Variants in ENTPD1 observed in about 807,000 individuals in gnomAD.
ENTPD1 encodes the protein ATP diphosphohydrolase.
A neutral mutation model predicts 57.0 loss-of-function variants in ENTPD1; 33 were observed. The observed-to-expected ratio is 0.58, with a 90% confidence interval of 0.44 to 0.77. The LOEUF is 0.77. Among genes scored for constraint, ENTPD1 ranks in the 30% least tolerant of loss-of-function variants. ENTPD1 has a pLI of 0.00. For missense variants in ENTPD1, 501 were observed against 603.4 expected, an observed-to-expected ratio of 0.83 and a Z score of 1.78; for synonymous variants, 202 against 218.8, an observed-to-expected ratio of 0.92 and a Z score of 0.68.
chr10:95,792,031 G>A (rs1159621715), intron 1 of ENTPD1, among the ~76,000 whole-genome samples: 3 of 152,098 alleles, frequency 2.0e-5, no homozygotes, highest in Non-Finnish European at 4.4e-5. Flanking sequence ...GAGTTTACCA[G>A]GAGACAGAGA....
chr10:95,723,070 A>G (rs2097979310), intron 1 of ENTPD1, among the ~76,000 whole-genome samples: 3 of 152,150 alleles, frequency 2.0e-5, no homozygotes. Context: ...AGGATTTTTG[A>G]TAGGAAGGCT....
At chr10:95,733,327 G>T (rs1268562599) in intron 1 of ENTPD1, among the ~76,000 whole-genome samples, 1 of 152,144 alleles carries the variant, frequency 6.6e-6, no homozygotes, top group Non-Finnish European at 1.5e-5. Flanking sequence ...CTGTTATCCT[G>T]TTCTTTTTTC....
chr10:95,742,521 T>C (rs2098001468), intron 1 of ENTPD1, among the ~76,000 whole-genome samples: 1 of 148,664 alleles, frequency 6.7e-6, no homozygotes, highest in South Asian at 2.1e-4. Context: ...TTTTTCTTCT[T>C]CTTCTTCTTT....
chr10:95,866,515 G>T lies in ENTPD1; in HGVS notation c.*132G>T. On this transcript the variant is annotated 3_prime_UTR_variant, in exon 10 of 10. Coordinates refer to ENST00000371205, the MANE Select transcript of ENTPD1 (RefSeq NM_001776.6). Reference sequence around the variant, plus strand: ...GTCTTGACGAGTGTGAAGCTTCCTTGGCTTTTACTGAAGCCTTTCTTTTGG... The same window carrying T: ...GTCTTGACGAGTGTGAAGCTTCCTTTGCTTTTACTGAAGCCTTTCTTTTGG... The T allele has an allele frequency of 6.5e-7, 1 of 1,530,746 alleles. No individual in the cohort carries two copies. 94.8% of individuals were successfully genotyped at this position (1,530,746 alleles called of 1,614,324 possible). A position where few individuals can be genotyped will look rare whatever the true frequency, so the allele number is the denominator to read the frequency against.
chr10:95,737,064 C>G (rs1286999940), intron 1 of ENTPD1, among the ~76,000 whole-genome samples: 1 of 152,128 alleles, frequency 6.6e-6, no homozygotes, highest in Non-Finnish European at 1.5e-5. Context: ...AGTAGTGGAG[C>G]TAGAAGTATG....
At chr10:95,738,673 A>G (rs2097997170) in intron 1 of ENTPD1, among the ~76,000 whole-genome samples, 1 of 152,184 alleles carries the variant, frequency 6.6e-6, no homozygotes, top group African/African-American at 2.4e-5. Flanking sequence ...TGATGATCTG[A>G]CTATTTTGAG....
intron 3 of ENTPD1, among the ~76,000 whole-genome samples, chr10:95,841,946 A>C (rs10748649): frequency 0.53 from 81,255 of 151,960 alleles, 22,172 homozygotes; most frequent in Admixed American, 0.63. Flanking sequence ...AATTTGTCTG[A>C]CGCTTAATTT....
intron 1 of ENTPD1, among the ~76,000 whole-genome samples, chr10:95,796,370 T>C (rs917766381): frequency 6.6e-6 from 1 of 152,176 alleles, no homozygotes; most frequent in African/African-American, 2.4e-5. Flanking sequence ...AAAGACTTCC[T>C]GGAAGTGATA....
chr10:95,788,617 AAAAAAAAG>A (rs1373625590), intron 1 of ENTPD1, among the ~76,000 whole-genome samples: 3 of 139,330 alleles, frequency 2.2e-5, no homozygotes, highest in African/African-American at 1.0e-4. Context: ...ACTCTGTCCA[AAAAAAAAG>A]AAAAAAAAGA....
At chr10:95,701,551 G>T in the ENTPD1 span, among the ~76,000 whole-genome samples, 15 of 152,172 alleles carry the variant, frequency 9.9e-5, no homozygotes, top group Non-Finnish European at 1.8e-4. Flanking sequence ...TAGAGAAAAA[G>T]ATTTAAATAA....
chr10:95,761,145 T>C (rs1184813093), intron 1 of ENTPD1, among the ~76,000 whole-genome samples: 1 of 152,116 alleles, frequency 6.6e-6, no homozygotes, highest in Non-Finnish European at 1.5e-5. Flanking sequence ...GTCTATTCTT[T>C]TAAGTACTTC....
intron 7 of ENTPD1, among the ~76,000 whole-genome samples, chr10:95,854,569 T>C (rs897483837): frequency 7.9e-5 from 12 of 152,248 alleles, no homozygotes; most frequent in African/African-American, 2.9e-4. Flanking sequence ...TGTGGGCATT[T>C]AGTGCCATAA....
intron 1 of ENTPD1, among the ~76,000 whole-genome samples, chr10:95,712,190 C>T (rs1338511811): frequency 1.3e-5 from 2 of 152,112 alleles, no homozygotes; most frequent in Non-Finnish European, 2.9e-5. Flanking sequence ...TTGTTCGGTC[C>T]CTTTCCTTCC....
chr10:95,826,171 C>T (rs1162541277), intron 2 of ENTPD1, among the ~76,000 whole-genome samples: 2 of 151,984 alleles, frequency 1.3e-5, no homozygotes, highest in Non-Finnish European at 2.9e-5. Context: ...TGATAAATTG[C>T]CACCAAATGA....
upstream of ENTPD1, among the ~76,000 whole-genome samples, chr10:95,710,972 C>T (rs1346941782): frequency 6.6e-6 from 1 of 152,084 alleles, no homozygotes; most frequent in Non-Finnish European, 1.5e-5. Context: ...ATGGTAGCCA[C>T]AAATGAAGGC....
rs530413410 is a variant in ENTPD1, at chr10:95,876,750, C to T, written c.*10367C>T. The T allele has an allele frequency of 3.8e-6, 3 of 793,446 alleles. No individual in the cohort carries two copies. The highest frequency in any genetic ancestry group is 1.3e-4 in the South Asian group (2 of 15,576). 49.2% of individuals were successfully genotyped at this position (793,446 alleles called of 1,614,324 possible). Reference sequence around the variant, plus strand: ...GAAAAATATAATACACATCCATGTGCCCATCACAGAACTTCACTGATTATC... The same window carrying T: ...GAAAAATATAATACACATCCATGTGTCCATCACAGAACTTCACTGATTATC... On this transcript the variant is annotated 3_prime_UTR_variant, in exon 10 of 10. Transcript: ENST00000371205.
chr10:95,765,416 T>C (rs2098084881), intron 1 of ENTPD1, among the ~76,000 whole-genome samples: 1 of 152,238 alleles, frequency 6.6e-6, no homozygotes, highest in Admixed American at 6.5e-5. Flanking sequence ...GAATATCTAG[T>C]TGTTCCAGCA....
In ENTPD1 at chr10:95,839,823, A is replaced by T. The variant is rs765137892; in HGVS notation, c.262+15A>T. 1 of 1,613,472 alleles carries T rather than the reference A, an allele frequency of 6.2e-7. No individual in the cohort carries two copies. Among genetic ancestry groups the T allele is most frequent in the Non-Finnish European group, 8.5e-7 (1 of 1,179,478 alleles). On this transcript the variant is annotated intron_variant, in intron 3 of 9. Coordinates refer to ENST00000371205, the MANE Select transcript of ENTPD1 (RefSeq NM_001776.6). ...CAGGGTTAAAGGTAAGATGAAGACC[A>T]AGGGAAGGGGAGGCCAACAGTGGGG...
chr10:95,816,589 G>A (rs765455980), intron 1 of ENTPD1, among the ~76,000 whole-genome samples: 1 of 152,078 alleles, frequency 6.6e-6, no homozygotes, highest in Non-Finnish European at 1.5e-5. Context: ...AGGGGGAAAG[G>A]CCATGTGAAG....
Sources: gnomAD v4.1 joint callset for allele counts (sites outside exome capture counted in the v4.1 genomes callset) on GRCh38, gnomAD v4.1.1 for gene constraint, MANE v1.5 for transcripts, NCBI Gene and HGNC (gene_info 2026-07-23, HGNC 2026-07-21) for gene names.